JARID2: variants seen among roughly 807,000 people sequenced by gnomAD.
The protein encoded by JARID2 is protein Jumonji.
JARID2 carries 21 observed loss-of-function variants against 125.6 expected under a neutral mutation model. That is an observed-to-expected ratio of 0.17 (90% confidence interval 0.12 to 0.24). The LOEUF (loss-of-function observed/expected upper bound fraction) is 0.24, where lower values mean the gene tolerates loss of function less well. Ranked by LOEUF, JARID2 falls within the 10% of genes least tolerant of loss-of-function variation. The pLI is 1.00. For synonymous variants in JARID2, 736 were observed against 661.6 expected (o/e 1.11, Z -1.73); for missense variants, 1,303 against 1,639.6 (o/e 0.79, Z 3.55).
chr6:15,252,044 C>CA (rs563356127), intron 1 of JARID2, among the ~76,000 whole-genome samples: 20 of 150,260 alleles, frequency 1.3e-4, no homozygotes, highest in Admixed American at 8.6e-4. Context: ...AGACTCCATT[C>CA]AAAAAAAAAT....
At chr6:15,277,883 T>TC (rs1248075134) in intron 1 of JARID2, among the ~76,000 whole-genome samples, 1 of 107,798 alleles carries the variant, frequency 9.3e-6, no homozygotes, top group African/African-American at 3.7e-5. Context: ...GCAAAAGAAA[T>TC]CCTTTTTTTT....
At chr6:15,502,215 C>T (rs1394163160) in intron 8 of JARID2, among the ~76,000 whole-genome samples, 9 of 152,246 alleles carry the variant, frequency 5.9e-5, no homozygotes, top group Non-Finnish European at 1.2e-4. Flanking sequence ...AGGCAGAGTC[C>T]GTGGCTCTCC....
At chr6:15,406,108 AAGTC>A (rs1765638139) in intron 2 of JARID2, among the ~76,000 whole-genome samples, 1 of 152,202 alleles carries the variant, frequency 6.6e-6, no homozygotes, top group Admixed American at 6.5e-5. Context: ...GTGCAGAATA[AAGTC>A]AGTCTTGCGC....
intron 1 of JARID2, among the ~76,000 whole-genome samples, chr6:15,366,095 A>AT (rs536569276): frequency 3.0e-4 from 45 of 152,172 alleles, no homozygotes; most frequent in Non-Finnish European, 4.9e-4. Context: ...TTCCCTCCCA[A>AT]TTTTTTATTT....
chr6:15,397,365 C>A (rs1279988917), intron 2 of JARID2, among the ~76,000 whole-genome samples: 1 of 152,174 alleles, frequency 6.6e-6, no homozygotes, highest in African/African-American at 2.4e-5. Context: ...GTGAAATTCT[C>A]TGGCACCATA....
chr6:15,497,321 C>T (rs1190106158), intron 7 of JARID2, 151 bp downstream of exon 7: 2 of 666,202 alleles, frequency 3.0e-6, no homozygotes, highest in Non-Finnish European at 5.1e-6. Context: ...GCTCATTCCC[C>T]CTGCAGCCCT....
chr6:15,312,118 C>T (rs1364017735), intron 1 of JARID2, among the ~76,000 whole-genome samples: 1 of 152,048 alleles, frequency 6.6e-6, no homozygotes, highest in Non-Finnish European at 1.5e-5. Context: ...TGCAGTGGTG[C>T]GATCTTGGCT....
At chr6:15,513,993 C>T (rs1771420955) in intron 16 of JARID2, among the ~76,000 whole-genome samples, 1 of 152,234 alleles carries the variant, frequency 6.6e-6, no homozygotes, top group Admixed American at 6.5e-5. Flanking sequence ...CTGGCACAGC[C>T]ACTCCAGGCC....
At chr6:15,269,017 A>G (rs998028027) in intron 1 of JARID2, among the ~76,000 whole-genome samples, 22 of 152,310 alleles carry the variant, frequency 1.4e-4, no homozygotes, top group Non-Finnish European at 2.1e-4. Flanking sequence ...TAGGAAATTT[A>G]AAGGCCTACT....
rs567350505 is a variant in JARID2 at position 15,517,684 on chromosome 6, C to T, written c.3558+416C>T. 2.0e-5 allele frequency among the ~76,000 whole-genome samples: 3 copies of T among 152,276 alleles called. No homozygotes were observed. The East Asian group carries it at 5.8e-4, about 29-fold the overall frequency. On this transcript the variant is annotated intron_variant, in intron 17 of 17. Transcript: ENST00000341776. ...TGAGAGAGCTGGAAGTGTCTGCGGA[C>T]ACTGGGGCAGGACGGGCCCCATGAT...
intron 3 of JARID2, among the ~76,000 whole-genome samples, chr6:15,436,344 T>C (rs1159177928): frequency 1.3e-5 from 2 of 152,212 alleles, no homozygotes; most frequent in East Asian, 3.9e-4. Context: ...GGCTGCACGC[T>C]GGTCGATGGC....
chr6:15,278,917 A>G (rs1037018334), intron 1 of JARID2, among the ~76,000 whole-genome samples: 3 of 152,094 alleles, frequency 2.0e-5, no homozygotes, highest in African/African-American at 7.2e-5. Flanking sequence ...AAAAATACAA[A>G]AATTAGCTGG....
intron 1 of JARID2, among the ~76,000 whole-genome samples, chr6:15,338,831 A>G (rs1581429845): frequency 6.6e-6 from 1 of 152,232 alleles, no homozygotes; most frequent in Admixed American, 6.5e-5. Flanking sequence ...TTCTCCCTAC[A>G]GGACTTAAAG....
chr6:15,504,701 C>G (rs1294881067), intron 9 of JARID2, 109 bp downstream of exon 9: 1 of 717,208 alleles, frequency 1.4e-6, no homozygotes, highest in African/African-American at 1.8e-5. Flanking sequence ...ACGGAAAGGA[C>G]TCAGATGGGG....
intron 6 of JARID2, among the ~76,000 whole-genome samples, chr6:15,493,653 C>T (rs189927104): frequency 6.6e-6 from 1 of 151,178 alleles, no homozygotes; most frequent in Admixed American, 6.6e-5. Context: ...GAGGCCCATT[C>T]CCCCACCCCC....
chr6:15,340,984 A>G (rs1429324290), intron 1 of JARID2, among the ~76,000 whole-genome samples: 2 of 152,170 alleles, frequency 1.3e-5, no homozygotes, highest in East Asian at 1.9e-4. Context: ...GTGCTAATAC[A>G]CTTTCTATAT....
rs373760730 is a variant in JARID2 at position 15,497,115 on chromosome 6, C to T, written c.1890C>T (p.Cys630=). Residue 630 remains cysteine (C), a synonymous_variant, in exon 7 of 18, where the codon TGC becomes TGT. Transcript: ENST00000341776. ...RWGPNVQRLA[C]IKKHLKSQGI... ...GCCCCAACGTGCAGCGGCTGGCCTG[C>T]ATCAAGAAGCACCTCAAATCTCAGG... The T allele has an allele frequency of 4.2e-5, 66 of 1,565,730 alleles. 1 individual carries two copies. The Middle Eastern group carries it at 6.7e-4, about 16-fold the overall frequency.
chr6:15,357,031 C>CAACA (rs1205703029), intron 1 of JARID2, among the ~76,000 whole-genome samples: 2 of 152,138 alleles, frequency 1.3e-5, no homozygotes, highest in Non-Finnish European at 2.9e-5. Flanking sequence ...CAAAAAACAA[C>CAACA]AACAAAAAAC....
chr6:15,428,943 A>ACCCCC (rs1484801194), intron 3 of JARID2, among the ~76,000 whole-genome samples: 15 of 127,168 alleles, frequency 1.2e-4, no homozygotes, highest in African/African-American at 3.3e-4. Context: ...CCCCCCCCAA[A>ACCCCC]AAAAAAAAAA....
Sources: allele counts gnomAD v4.1 joint callset (sites outside exome capture counted in the v4.1 genomes callset), GRCh38; gene constraint gnomAD v4.1.1; transcripts MANE v1.5; gene names NCBI Gene and HGNC (gene_info 2026-07-23, HGNC 2026-07-21).